CFAP251: variants seen among roughly 807,000 people sequenced by gnomAD.
CFAP251 encodes cilia and flagella associated protein 251, also known as cilia- and flagella-associated protein 251.
In CFAP251, 93 loss-of-function variants were observed where a neutral mutation model predicts 126.7. The ratio of observed to expected loss-of-function variants is 0.73; its 90% CI spans 0.62 to 0.87. The LOEUF is 0.87. Ranked by LOEUF, CFAP251 falls within the 40% of genes least tolerant of loss-of-function variation. The pLI is 0.00. For missense variants in CFAP251, 1,287 were observed against 1,389.2 expected (o/e 0.93, Z 1.17); for synonymous variants, 503 against 506.9 (o/e 0.99, Z 0.10).
rs1882417453 is a variant in CFAP251 at position 121,974,877 on chromosome 12, AGTTACGG to A, written c.2772-364_2772-358del. On this transcript the variant is annotated intron_variant, in intron 17 of 21. Coordinates refer to ENST00000288912, the MANE Select transcript of CFAP251 (RefSeq NM_144668.6). This position sits in a 1 kb window ranked among gnomAD's most constrained non-coding sequence, Gnocchi z 4.6. ...TGACTCTGATCGTTCGTGGATCTAAAGTTACGGGTAAGGCTGCTCTGTCTGGGAGGAT... is the reference window on the plus strand; with the variant it reads ...TGACTCTGATCGTTCGTGGATCTAAAGTAAGGCTGCTCTGTCTGGGAGGAT... Among the ~76,000 whole-genome samples the A allele has an allele frequency of 6.6e-6, 1 of 152,136 alleles. No individual in the cohort carries two copies. Among genetic ancestry groups the A allele is most frequent in the African/African-American group, 2.4e-5 (1 of 41,428 alleles).
intron 7 of CFAP251, among the ~76,000 whole-genome samples, chr12:121,947,469 C>A (rs1027434985): frequency 2.0e-5 from 3 of 151,516 alleles, no homozygotes; most frequent in Non-Finnish European, 4.4e-5. Context: ...CTTTTCTTTT[C>A]TTTTCTTTTT....
Position 121,957,072 on chromosome 12 carries a change from A to G in CFAP251, c.1536-2A>G. 6.3e-7 allele frequency: 1 copy of G among 1,578,724 alleles called. No homozygotes were observed. The highest frequency in any genetic ancestry group is 8.6e-7 in the Non-Finnish European group (1 of 1,163,134). ...CAAAACTGATGTTATTCTCCATTTC[A>G]GCTACATTGTCACAGGTGACATTAA... is the stretch of plus-strand genomic sequence containing the variant. On this transcript the variant is annotated splice_acceptor_variant, in intron 10 of 21. Transcript: ENST00000288912. LOFTEE classifies it high-confidence loss of function.
At chr12:121,936,340 G>A (rs1173495661) in intron 5 of CFAP251, among the ~76,000 whole-genome samples, 10 of 152,190 alleles carry the variant, frequency 6.6e-5, no homozygotes, top group African/African-American at 9.6e-5. Context: ...CCAGCTACGC[G>A]GGAGGCTGAG....
intron 15 of CFAP251, among the ~76,000 whole-genome samples, chr12:121,963,866 C>G (rs1422673006): frequency 6.6e-6 from 1 of 151,794 alleles, no homozygotes; most frequent in African/African-American, 2.4e-5. Flanking sequence ...CTCGACACAG[C>G]CCTGGCTTTG....
intron 19 of CFAP251, among the ~76,000 whole-genome samples, chr12:121,977,460 A>G (rs1358712554): frequency 6.6e-6 from 1 of 151,756 alleles, no homozygotes; most frequent in East Asian, 1.9e-4. Context: ...AGAGTTTGAG[A>G]CCAGCCTGGC....
intron 19 of CFAP251, among the ~76,000 whole-genome samples, chr12:121,982,897 T>A (rs1882657254): frequency 6.7e-6 from 1 of 149,392 alleles, no homozygotes; most frequent in South Asian, 2.1e-4. Flanking sequence ...AGGCCAAGAG[T>A]TCCAGACCAA....
chr12:121,973,943 A>G (rs995196090), intron 17 of CFAP251, among the ~76,000 whole-genome samples: 2 of 152,132 alleles, frequency 1.3e-5, no homozygotes, highest in African/African-American at 2.4e-5. Flanking sequence ...TTGGGAAGGC[A>G]TGATTGGTTT....
At chr12:121,930,083 C>T (rs1201524964) in intron 3 of CFAP251, among the ~76,000 whole-genome samples, 2 of 152,342 alleles carry the variant, frequency 1.3e-5, no homozygotes, top group East Asian at 1.9e-4. Flanking sequence ...CTTACCAACA[C>T]GCATGTAACT....
chr12:121,991,511 T>A (rs773186627), intron 19 of CFAP251, among the ~76,000 whole-genome samples: 1 of 152,022 alleles, frequency 6.6e-6, no homozygotes, highest in African/African-American at 2.4e-5. Flanking sequence ...ATGCAAATGG[T>A]CAGACCCTAT....
intron 10 of CFAP251, among the ~76,000 whole-genome samples, chr12:121,955,367 G>A (rs182070269): frequency 1.3e-5 from 2 of 152,298 alleles, no homozygotes; most frequent in Admixed American, 1.3e-4. Flanking sequence ...AATTAAGACA[G>A]AGTTCTCATT....
At position 121,923,669 on chromosome 12, in the gene CFAP251, T is replaced by C; in HGVS notation, c.426T>C (p.Asp142=). The C allele has an allele frequency of 6.2e-7, 1 of 1,613,990 alleles. No homozygotes were observed. Among genetic ancestry groups the C allele is most frequent in the South Asian group, 1.1e-5 (1 of 90,982 alleles). ...CAAAGCTTTCCTTACAATTGGAGGATGCAGAAACAGATGAGCTTTTAAGAG... is the reference window on the plus strand; with the variant it reads ...CAAAGCTTTCCTTACAATTGGAGGACGCAGAAACAGATGAGCTTTTAAGAG... The part of the protein sequence containing the change: ...SKSKLSLQLE[D]AETDELLRDL... Residue 142 remains aspartate, a synonymous_variant, in exon 3 of 22, where the codon GAT becomes GAC. Transcript: ENST00000288912.
chr12:122,000,688 TAA>T (rs901897869), intron 20 of CFAP251, among the ~76,000 whole-genome samples: 31 of 152,204 alleles, frequency 2.0e-4, no homozygotes, highest in African/African-American at 6.5e-4. Context: ...GGATGTCAAG[TAA>T]ACTCTCTTGG....
In CFAP251 at chr12:121,969,182, A is replaced by G. The variant is rs552286737; in HGVS notation, c.2771+1013A>G. ...ACCCCCTGCCATCTGCCAAATGCACATCTTTCTTTTTATGGCAGATATTGA... is the reference window on the plus strand; with the variant it reads ...ACCCCCTGCCATCTGCCAAATGCACGTCTTTCTTTTTATGGCAGATATTGA... On this transcript the variant is annotated intron_variant, in intron 17 of 21. Coordinates refer to ENST00000288912, the MANE Select transcript of CFAP251 (RefSeq NM_144668.6). The G allele has an allele frequency of 9.6e-5, 95 of 985,364 alleles. No homozygotes were observed. The African/African-American group carries it at 1.2e-3, about 12-fold the overall frequency. 61.0% of individuals were successfully genotyped at this position (985,364 alleles called of 1,614,324 possible). A position where few individuals can be genotyped will look rare whatever the true frequency, so the allele number is the denominator to read the frequency against.
chr12:121,943,491 C>T (rs749298071), intron 7 of CFAP251, among the ~76,000 whole-genome samples: 69 of 152,220 alleles, frequency 4.5e-4, no homozygotes, highest in African/African-American at 1.3e-3. Flanking sequence ...GGCACGATCT[C>T]GGCTCAACAC....
Position 121,931,743 on chromosome 12 carries a change from C to T in CFAP251, c.748-3C>T, listed in dbSNP as rs1417627679. The stretch of plus-strand genomic sequence containing the variant: ...TCTTGCTGGCTTTGCCCTTGTCTTC[C>T]AGACCATGACCTGGTCGTTTGGATG... On this transcript the variant is annotated splice_region_variant and splice_polypyrimidine_tract_variant and intron_variant, in intron 3 of 21. Transcript: ENST00000288912. The T allele has an allele frequency of 1.3e-6, 2 of 1,557,238 alleles. No individual in the cohort carries two copies. Among genetic ancestry groups the T allele is most frequent in the South Asian group, 2.5e-5 (2 of 80,306 alleles).
chr12:121,927,814 C>T (rs1259144369), intron 3 of CFAP251, among the ~76,000 whole-genome samples: 1 of 152,184 alleles, frequency 6.6e-6, no homozygotes, highest in African/African-American at 2.4e-5. Flanking sequence ...ATCCCACCTC[C>T]AGCTAGGAAA....
In CFAP251 at chr12:121,962,166, A is replaced by G. The variant is rs1313826795; in HGVS notation, c.2492+4A>G. The G allele has an allele frequency of 5.0e-6, 8 of 1,611,576 alleles. No individual in the cohort carries two copies. Among genetic ancestry groups the G allele is most frequent in the South Asian group, 2.2e-5 (2 of 90,812 alleles). ...ATGCTACTACCAAAATGTGCAGGTA[A>G]GCACCCGGAGCTTCCCATTGCAGGG... is the stretch of plus-strand genomic sequence containing the variant. On this transcript the variant is annotated splice_donor_region_variant and intron_variant, in intron 15 of 21. Coordinates refer to ENST00000288912, the MANE Select transcript of CFAP251 (RefSeq NM_144668.6).
chr12:121,993,008 C>T (rs1882913501), intron 19 of CFAP251, among the ~76,000 whole-genome samples: 1 of 146,764 alleles, frequency 6.8e-6, no homozygotes, highest in Admixed American at 6.7e-5. Flanking sequence ...CCTCTCCCCA[C>T]GGTCTCCCTC....
In CFAP251 at chr12:122,001,444, G is replaced by T; in HGVS notation, c.3236-53G>T. 2.9e-6 allele frequency: 4 copies of T among 1,391,664 alleles called. No individual in the cohort carries two copies. The East Asian group carries it at 9.1e-5, about 32-fold the overall frequency. 86.2% of individuals were successfully genotyped at this position (1,391,664 alleles called of 1,614,324 possible). A position where few individuals can be genotyped will look rare whatever the true frequency, so the allele number is the denominator to read the frequency against. On this transcript the variant is annotated intron_variant, in intron 20 of 21. Transcript: ENST00000288912. Reference sequence around the variant, plus strand: ...TGAATAATAACGCTAAGCCCTGACAGTATGCTTAGCCTCAAGAGTTAAACA... The same window carrying T: ...TGAATAATAACGCTAAGCCCTGACATTATGCTTAGCCTCAAGAGTTAAACA...
Sources: allele counts gnomAD v4.1 joint callset (sites outside exome capture counted in the v4.1 genomes callset), GRCh38; gene constraint gnomAD v4.1.1; non-coding constraint Gnocchi (gnomAD v3.1); transcripts MANE v1.5; gene names NCBI Gene and HGNC (gene_info 2026-07-23, HGNC 2026-07-21).